The following NPIPB12 variants were observed in gnomAD, a reference collection of about 807,000 sequenced individuals.
The protein encoded by NPIPB12 is nuclear pore complex interacting protein family member B12, also known as nuclear pore complex-interacting protein family member B12.
rs1965165697 is a variant in NPIPB12, at chr16:29,498,331, T to C, written c.75+993A>G. Reference sequence around the variant, plus strand: ...ATAAATAAATAAATAAATAAATAAATAAATAAAATAATGTAGATCTTGAAA... The same window carrying C: ...ATAAATAAATAAATAAATAAATAAACAAATAAAATAATGTAGATCTTGAAA... On this transcript the variant is annotated intron_variant, in intron 1 of 5. Transcript: ENST00000617311. Among the ~76,000 whole-genome samples, 6 of 148,066 alleles carry C rather than the reference T, an allele frequency of 4.1e-5. No homozygotes were observed. The South Asian group carries it at 8.7e-4, about 21-fold the overall frequency.
chr16:29,490,535 G>T (rs1965068996), intron 4 of NPIPB12, among the ~76,000 whole-genome samples: 2 of 148,960 alleles, frequency 1.3e-5, no homozygotes, highest in Non-Finnish European at 3.0e-5. Flanking sequence ...TTCTAGACCA[G>T]CTTGGCCAAT....
chr16:29,504,561 T>C (rs1965216505), intron 2 of NPIPB12, among the ~76,000 whole-genome samples: 2 of 149,446 alleles, frequency 1.3e-5, no homozygotes, highest in Non-Finnish European at 3.0e-5. Context: ...TGTGTGTATC[T>C]ATATAAATCT....
At position 29,497,027 on chromosome 16, in the gene NPIPB12, G is replaced by A. The variant is rs1446384342; in HGVS notation, c.76-1420C>T. On this transcript the variant is annotated intron_variant, in intron 1 of 5. Coordinates refer to ENST00000617311, the Ensembl canonical transcript of NPIPB12. ...ATCTTTTCTTTAAAGTTATTTACTT[G>A]TTTTTTAAATTGATGTATAACATTG... Among the ~76,000 whole-genome samples, 4 of 22,764 alleles carry A rather than the reference G, an allele frequency of 1.8e-4. 1 individual carries two copies. The East Asian group carries it at 0.029, about 163-fold the overall frequency. The allele number at this position is 22,764 out of a possible 152,430, so 14.9% of individuals were successfully genotyped here.
At chr16:29,505,902 TC>T (rs1965236661), upstream of NPIPB12, 1 of 297,652 alleles carries the variant, frequency 3.4e-6, no homozygotes, top group African/African-American at 2.8e-5. Context: ...TTTAAATGTA[TC>T]ATCATTTCTG....
chr16:29,485,592 G>T, downstream of NPIPB12: 1 of 761,198 alleles, frequency 1.3e-6, no homozygotes, highest in South Asian at 1.7e-5. Flanking sequence ...ATCCGCTGAG[G>T]GTGGAAGGGG....
intron 4 of NPIPB12, among the ~76,000 whole-genome samples, chr16:29,490,541 C>A (rs1965069220): frequency 6.7e-6 from 1 of 148,158 alleles, no homozygotes; most frequent in Non-Finnish European, 1.5e-5. Flanking sequence ...ACCAGCTTGG[C>A]CAATATGGTG....
At chr16:29,495,263 GCT>G in intron 2 of NPIPB12, among the ~76,000 whole-genome samples, 1 of 138,594 alleles carries the variant, frequency 7.2e-6, no homozygotes, top group South Asian at 2.6e-4. Context: ...TTGACCAAAA[GCT>G]CTGTTGACAT....
rs1965212964 is a variant in NPIPB12, at chr16:29,504,512, ATATGTGTGTGTGTGTGTGTG to A, written c.120+941_120+960del. Among the ~76,000 whole-genome samples the A allele has an allele frequency of 3.3e-5, 3 of 91,998 alleles. No individual in the cohort carries two copies. In the South Asian group the frequency reaches 1.1e-3, roughly 34 times the overall value. The allele number at this position is 91,998 out of a possible 152,430, so 60.4% of individuals were successfully genotyped here. ...AGAGTGAAACTCTGTCTCAAAAAAT[ATATGTGTGTGTGTGTGTGTG>A]TGTGTGTGTGTGTGTGTGTGTGTGT... On this transcript the variant is annotated intron_variant, in intron 2 of 7. Coordinates refer to the NPIPB12 transcript ENST00000550665.
At chr16:29,492,792 CAAAA>C (rs1217104796) in intron 2 of NPIPB12, among the ~76,000 whole-genome samples, 1 of 64,634 alleles carries the variant, frequency 1.5e-5, no homozygotes, top group Non-Finnish European at 3.3e-5. Flanking sequence ...GACTCCGTCT[CAAAA>C]AAAAAAAAAA....
intron 4 of NPIPB12, among the ~76,000 whole-genome samples, chr16:29,490,904 T>TAAAAAAAA (rs1156982100): frequency 1.8e-5 from 1 of 56,682 alleles, no homozygotes; most frequent in Non-Finnish European, 3.2e-5. Flanking sequence ...ATCTCAAAAT[T>TAAAAAAAA]AAAAAAAAAA....
At chr16:29,492,512 A>ATT (rs1309522939) in intron 2 of NPIPB12, among the ~76,000 whole-genome samples, 5 of 42,710 alleles carry the variant, frequency 1.2e-4, no homozygotes, top group African/African-American at 3.9e-4. Flanking sequence ...AAAAAAAAAA[A>ATT]AGGCCAGATG....
chr16:29,495,238 T>TAA (rs200096371), intron 2 of NPIPB12, among the ~76,000 whole-genome samples: 1 of 136,656 alleles, frequency 7.3e-6, no homozygotes, highest in African/African-American at 2.7e-5. Flanking sequence ...GCACAAAGGT[T>TAA]AAAAAAACTT....
chr16:29,490,389 T>C (rs1354418851), intron 4 of NPIPB12, among the ~76,000 whole-genome samples: 799 of 133,200 alleles, frequency 6.0e-3, no homozygotes, highest in African/African-American at 0.022. Context: ...TCACCTGAGG[T>C]CAGGAGTTCA....
At chr16:29,504,558 A>C (rs1344223558) in intron 2 of NPIPB12, among the ~76,000 whole-genome samples, 2 of 147,076 alleles carry the variant, frequency 1.4e-5, no homozygotes, top group Non-Finnish European at 3.0e-5. Context: ...GTGTGTGTGT[A>C]TCTATATAAA....
At chr16:29,506,388 C>T (rs1328000611), upstream of NPIPB12, among the ~76,000 whole-genome samples, 2 of 60,702 alleles carry the variant, frequency 3.3e-5, 1 homozygote, top group Non-Finnish European at 5.1e-5. Flanking sequence ...TGTAAGTACA[C>T]GATCGCCAGC....
At chr16:29,498,218 C>T (rs1248830057) in intron 1 of NPIPB12, among the ~76,000 whole-genome samples, 6 of 144,420 alleles carry the variant, frequency 4.2e-5, no homozygotes, top group African/African-American at 1.0e-4. Flanking sequence ...GAGAATCGCT[C>T]GAACCTGGGA....
At chr16:29,495,084 T>C (rs1277338278) in intron 2 of NPIPB12, among the ~76,000 whole-genome samples, 1 of 120,820 alleles carries the variant, frequency 8.3e-6, no homozygotes, top group Non-Finnish European at 1.9e-5. Flanking sequence ...AAGCTGTCTG[T>C]TGTCAGCTCA....
intron 4 of NPIPB12, among the ~76,000 whole-genome samples, chr16:29,490,904 TAAAA>T (rs1156982100): frequency 1.4e-4 from 8 of 56,690 alleles, no homozygotes; most frequent in South Asian, 7.2e-4. Flanking sequence ...ATCTCAAAAT[TAAAA>T]AAAAAAAAAA....
intron 1 of NPIPB12, among the ~76,000 whole-genome samples, chr16:29,497,543 G>T (rs1427882159): frequency 1.7e-5 from 1 of 58,970 alleles, no homozygotes. Context: ...TTACCAAGGT[G>T]GAGATCATGA....
Sources: gnomAD v4.1 joint callset for allele counts (sites outside exome capture counted in the v4.1 genomes callset) on GRCh38, gnomAD v4.1.1 for gene constraint, MANE v1.5 for transcripts, NCBI Gene and HGNC (gene_info 2026-07-23, HGNC 2026-07-21) for gene names.